KHDRBS2: variants seen among roughly 807,000 people sequenced by gnomAD.
KHDRBS2 encodes the protein KH RNA binding domain containing, signal transduction associated 2.
Under a neutral mutation model 44.3 loss-of-function variants are expected in KHDRBS2, and 26 were observed. That is an observed-to-expected ratio of 0.59 (90% confidence interval 0.43 to 0.81). KHDRBS2 has a LOEUF of 0.81. KHDRBS2 is among the 40% of genes least tolerant of loss of function. KHDRBS2 has a pLI of 0.00. For missense variants in KHDRBS2, 476 were observed against 433.1 expected, an observed-to-expected ratio of 1.10 and a Z score of -0.88; for synonymous variants, 194 against 151.1, an observed-to-expected ratio of 1.28 and a Z score of -2.08.
the KHDRBS2 span, among the ~76,000 whole-genome samples, chr6:61,581,564 C>T: frequency 7.3e-6 from 1 of 137,502 alleles, no homozygotes; most frequent in Non-Finnish European, 1.6e-5. Context: ...ACACAATATA[C>T]AACAATATAC....
chr6:61,682,287 G>A (rs1450635008), intron 8 of KHDRBS2, among the ~76,000 whole-genome samples: 1 of 151,764 alleles, frequency 6.6e-6, no homozygotes, highest in Non-Finnish European at 1.5e-5. Context: ...CACTTAAGTG[G>A]ACAAATATTA....
chr6:62,218,210 C>G (rs1269461865), intron 1 of KHDRBS2, among the ~76,000 whole-genome samples: 1 of 151,858 alleles, frequency 6.6e-6, no homozygotes, highest in African/African-American at 2.4e-5. Context: ...TGGATGGTAG[C>G]CAGGCTGCTA....
At chr6:62,087,175 C>A (rs1473306607) in intron 2 of KHDRBS2, among the ~76,000 whole-genome samples, 5 of 152,082 alleles carry the variant, frequency 3.3e-5, no homozygotes, top group Non-Finnish European at 7.4e-5. Flanking sequence ...GTTATTATAA[C>A]TTAAAAAGAG....
chr6:61,669,756 T>C, the KHDRBS2 span, among the ~76,000 whole-genome samples: 1 of 151,006 alleles, frequency 6.6e-6, no homozygotes, highest in African/African-American at 2.4e-5. Flanking sequence ...ATTTTACCTA[T>C]AAGAAATTTA....
At chr6:61,863,839 C>T (rs1715045) in intron 6 of KHDRBS2, among the ~76,000 whole-genome samples, 21,626 of 152,018 alleles carry the variant, frequency 0.14, 2,149 homozygotes, top group South Asian at 0.22. Flanking sequence ...AATATCTTTG[C>T]TAATGTTCAG....
At chr6:61,721,034 G>A (rs1046184634) in intron 7 of KHDRBS2, among the ~76,000 whole-genome samples, 4 of 151,206 alleles carry the variant, frequency 2.6e-5, no homozygotes, top group South Asian at 4.2e-4. Context: ...ATTAAATAGG[G>A]AATCCTTTCC....
the KHDRBS2 span, among the ~76,000 whole-genome samples, chr6:61,647,992 C>T: frequency 6.6e-6 from 1 of 152,012 alleles, no homozygotes; most frequent in Non-Finnish European, 1.5e-5. Context: ...ACCAACCTTG[C>T]TCCCTTAAAT....
chr6:61,569,186 C>A, the KHDRBS2 span, among the ~76,000 whole-genome samples: 1 of 152,082 alleles, frequency 6.6e-6, no homozygotes, highest in Non-Finnish European at 1.5e-5. Flanking sequence ...TGGAACATAA[C>A]TCCATGGGTC....
chr6:61,722,632 C>A (rs1772834606), intron 7 of KHDRBS2, among the ~76,000 whole-genome samples: 2 of 152,004 alleles, frequency 1.3e-5, no homozygotes, highest in Admixed American at 1.3e-4. Flanking sequence ...ATCAGCATTT[C>A]TTCTGATTTA....
chr6:61,600,084 T>C, the KHDRBS2 span, among the ~76,000 whole-genome samples: 1 of 152,222 alleles, frequency 6.6e-6, no homozygotes, highest in South Asian at 2.1e-4. Flanking sequence ...ATCTTAAATT[T>C]GGAAAAAGAA....
intron 7 of KHDRBS2, among the ~76,000 whole-genome samples, chr6:61,712,419 G>C (rs1770660363): frequency 6.6e-6 from 1 of 151,818 alleles, no homozygotes; most frequent in Non-Finnish European, 1.5e-5. Context: ...AGGTTTACAT[G>C]ACACATTAGA....
chr6:61,931,987 TTTG>T (rs1448566027), intron 4 of KHDRBS2, among the ~76,000 whole-genome samples: 1 of 152,208 alleles, frequency 6.6e-6, no homozygotes, highest in Non-Finnish European at 1.5e-5. Context: ...TTAATAACGT[TTTG>T]TTTTCACTAG....
chr6:61,602,943 C>T, the KHDRBS2 span, among the ~76,000 whole-genome samples: 1 of 152,126 alleles, frequency 6.6e-6, no homozygotes, highest in Non-Finnish European at 1.5e-5. Flanking sequence ...ACCTTTCCCC[C>T]CAGTTCAAAG....
At chr6:61,971,230 C>T (rs1366170124) in intron 4 of KHDRBS2, among the ~76,000 whole-genome samples, 4 of 151,950 alleles carry the variant, frequency 2.6e-5, no homozygotes, top group Admixed American at 1.3e-4. Context: ...AAGGGAACAA[C>T]AATAACAACA....
chr6:61,848,519 GTA>G (rs1313292558), intron 6 of KHDRBS2, among the ~76,000 whole-genome samples: 3,762 of 30,430 alleles, frequency 0.12, 783 homozygotes, highest in African/African-American at 0.39. Flanking sequence ...ATGTATATAT[GTA>G]TATATATATA....
the KHDRBS2 span, among the ~76,000 whole-genome samples, chr6:61,548,278 A>C: frequency 3.3e-5 from 5 of 152,106 alleles, no homozygotes; most frequent in African/African-American, 1.2e-4. Context: ...ATCATAACAC[A>C]TTTTATGAGG....
chr6:62,005,002 T>C (rs1778954222), intron 3 of KHDRBS2, among the ~76,000 whole-genome samples: 1 of 152,182 alleles, frequency 6.6e-6, no homozygotes, highest in Non-Finnish European at 1.5e-5. Context: ...TAGGTATTGA[T>C]GGAACTTCAT....
the KHDRBS2 span, among the ~76,000 whole-genome samples, chr6:61,591,724 C>T: frequency 6.6e-6 from 1 of 152,098 alleles, no homozygotes; most frequent in Admixed American, 6.6e-5. Flanking sequence ...TTGCCTCTAC[C>T]CATAAAACAA....
Position 62,266,376 on chromosome 6 carries a change from C to T in KHDRBS2, c.91+19482G>A, listed in dbSNP as rs115705294. Among the ~76,000 whole-genome samples, 389 of 152,040 alleles carry T rather than the reference C, an allele frequency of 2.6e-3. 3 individuals are homozygous for T. The highest frequency in any genetic ancestry group is 8.5e-3 in the African/African-American group (354 of 41,508). On this transcript the variant is annotated intron_variant, in intron 1 of 8. Coordinates refer to ENST00000281156, the MANE Select transcript of KHDRBS2 (RefSeq NM_152688.4). The stretch of plus-strand genomic sequence containing the variant: ...CTACATGACAAGCATGACATATCAG[C>T]GAATTATTGCCTCCTAGGAGCTGCT...
Sources: gnomAD v4.1 joint callset for allele counts (sites outside exome capture counted in the v4.1 genomes callset) on GRCh38, gnomAD v4.1.1 for gene constraint, MANE v1.5 for transcripts, NCBI Gene and HGNC (gene_info 2026-07-23, HGNC 2026-07-21) for gene names.